NAALADL2: variants seen among roughly 807,000 people sequenced by gnomAD.
NAALADL2 encodes N-acetylated alpha-linked acidic dipeptidase like 2, also known as inactive N-acetylated-alpha-linked acidic dipeptidase-like protein 2.
Under a neutral mutation model 87.2 loss-of-function variants are expected in NAALADL2, and 76 were observed. The observed-to-expected ratio is 0.87, with a 90% CI of 0.72 to 1.05. NAALADL2 has a LOEUF of 1.05. NAALADL2 is among the 50% of genes least tolerant of loss of function. The pLI is 0.00. For synonymous variants in NAALADL2, 354 were observed against 331.0 expected (o/e 1.07, Z -0.75); for missense variants, 1,089 against 945.8 (o/e 1.15, Z -1.99).
intron 6 of NAALADL2, among the ~76,000 whole-genome samples, chr3:175,454,196 AT>A (rs1721991853): frequency 6.6e-6 from 1 of 152,054 alleles, no homozygotes; most frequent in Admixed American, 6.6e-5. Context: ...ACTTAGGCTT[AT>A]AGTTTTCATC....
chr3:175,469,616 A>G (rs1026645597), intron 8 of NAALADL2, among the ~76,000 whole-genome samples: 6 of 152,060 alleles, frequency 3.9e-5, no homozygotes, highest in African/African-American at 1.4e-4. Context: ...TCTATACTTT[A>G]AAAAGTACCA....
intron 3 of NAALADL2, among the ~76,000 whole-genome samples, chr3:174,846,104 C>A (rs1387582587): frequency 1.3e-5 from 2 of 152,110 alleles, no homozygotes; most frequent in Non-Finnish European, 2.9e-5. Flanking sequence ...ATAAAATGTG[C>A]CACTCACATC....
intron 2 of NAALADL2, among the ~76,000 whole-genome samples, chr3:175,232,202 G>C (rs1357290089): frequency 6.6e-6 from 1 of 150,756 alleles, no homozygotes; most frequent in African/African-American, 2.4e-5. Flanking sequence ...GGAAGAAGAA[G>C]AAGAACAAGA....
At chr3:174,577,998 T>C (rs1051290524) in intron 2 of NAALADL2, among the ~76,000 whole-genome samples, 37 of 151,924 alleles carry the variant, frequency 2.4e-4, no homozygotes, top group African/African-American at 8.2e-4. Context: ...AAAATTTCAG[T>C]GGATGGGCTT....
chr3:175,201,572 A>C (rs1740030514), intron 2 of NAALADL2, among the ~76,000 whole-genome samples: 1 of 152,192 alleles, frequency 6.6e-6, no homozygotes, highest in Non-Finnish European at 1.5e-5. Context: ...AGTAAAAACA[A>C]ATCATTTCAG....
At chr3:175,140,329 G>A (rs13095127) in intron 2 of NAALADL2, among the ~76,000 whole-genome samples, 82,056 of 151,880 alleles carry the variant, frequency 0.54, 23,190 homozygotes, top group Non-Finnish European at 0.63. Flanking sequence ...GGTGGGACTA[G>A]AAAATGTACT....
intron 2 of NAALADL2, chr3:174,550,719 T>C (rs768819520): frequency 1.7e-4 from 26 of 152,118 alleles, no homozygotes; most frequent in African/African-American, 5.8e-4. Context: ...TTATAGGAAA[T>C]GTTTAAAGTA....
intron 9 of NAALADL2, among the ~76,000 whole-genome samples, chr3:175,486,489 A>T (rs535670791): frequency 6.6e-6 from 1 of 152,174 alleles, no homozygotes; most frequent in Non-Finnish European, 1.5e-5. Flanking sequence ...GGCTTCACCA[A>T]TGATAAATTT....
chr3:175,532,396 A>G (rs533610754), intron 9 of NAALADL2, among the ~76,000 whole-genome samples: 1 of 152,200 alleles, frequency 6.6e-6, no homozygotes, highest in Non-Finnish European at 1.5e-5. Context: ...AGTGTAGTGC[A>G]GTCCTTCCTC....
chr3:174,845,234 T>C (rs1724484605), intron 3 of NAALADL2, among the ~76,000 whole-genome samples: 1 of 151,962 alleles, frequency 6.6e-6, no homozygotes, highest in Non-Finnish European at 1.5e-5. Context: ...GGCTGGCTGT[T>C]TTGTTGCTGG....
At chr3:175,070,009 T>C (rs1237462385) in intron 1 of NAALADL2, among the ~76,000 whole-genome samples, 1 of 132,190 alleles carries the variant, frequency 7.6e-6, no homozygotes, top group African/African-American at 2.7e-5. Flanking sequence ...CTGGGGACTG[T>C]TGTGGGGTAG....
chr3:175,289,336 C>T (rs1371807868), intron 4 of NAALADL2, among the ~76,000 whole-genome samples: 4 of 151,996 alleles, frequency 2.6e-5, no homozygotes, highest in African/African-American at 9.7e-5. Flanking sequence ...TTCTATAGAG[C>T]TGCAGTGTAG....
chr3:175,343,156 C>T (rs902421143), intron 5 of NAALADL2, among the ~76,000 whole-genome samples: 13 of 151,902 alleles, frequency 8.6e-5, no homozygotes, highest in African/African-American at 2.9e-4. Context: ...TTCTATTGTG[C>T]ACATTAAAAA....
chr3:174,542,548 A>C (rs1722339944), intron 1 of NAALADL2, among the ~76,000 whole-genome samples: 2 of 152,194 alleles, frequency 1.3e-5, no homozygotes, highest in Non-Finnish European at 1.5e-5. Flanking sequence ...TTAAACAAGC[A>C]AGGGACAAAA....
intron 10 of NAALADL2, among the ~76,000 whole-genome samples, chr3:175,579,510 C>T (rs1266328508): frequency 2.6e-5 from 4 of 152,158 alleles, no homozygotes; most frequent in Admixed American, 2.0e-4. Flanking sequence ...GGCCTCTATA[C>T]TCTAATTTTC....
chr3:175,039,863 T>C (rs759615757), intron 1 of NAALADL2, among the ~76,000 whole-genome samples: 4 of 152,236 alleles, frequency 2.6e-5, no homozygotes, highest in African/African-American at 4.8e-5. Flanking sequence ...TTTTTATTCA[T>C]GTATTCACAC....
chr3:174,537,928 T>C (rs1721876575), intron 1 of NAALADL2, among the ~76,000 whole-genome samples: 1 of 152,170 alleles, frequency 6.6e-6, no homozygotes, highest in African/African-American at 2.4e-5. Flanking sequence ...AAATGGAATA[T>C]ATTTCCTAGA....
chr3:174,472,003 A>G (rs1166685712), intron 1 of NAALADL2, among the ~76,000 whole-genome samples: 3 of 152,170 alleles, frequency 2.0e-5, no homozygotes, highest in Admixed American at 1.3e-4. Context: ...AATGTGTTCT[A>G]CAGATTTTCT....
At chr3:175,301,462 A>G (rs1194006058) in intron 4 of NAALADL2, among the ~76,000 whole-genome samples, 1 of 152,204 alleles carries the variant, frequency 6.6e-6, no homozygotes, top group Admixed American at 6.6e-5. Context: ...AAACGCATGT[A>G]GCTGTCTTTT....
Sources: allele counts gnomAD v4.1 joint callset (sites outside exome capture counted in the v4.1 genomes callset), GRCh38; gene constraint gnomAD v4.1.1; transcripts MANE v1.5; gene names NCBI Gene and HGNC (gene_info 2026-07-23, HGNC 2026-07-21).